Variants in PLXND1 observed in about 807,000 individuals in gnomAD.
PLXND1 encodes the protein plexin-D1.
A neutral mutation model predicts 197.7 loss-of-function variants in PLXND1; 54 were observed. That is an observed-to-expected ratio of 0.27 (90% CI 0.22 to 0.34). The LOEUF is 0.34. Ranked by LOEUF, PLXND1 falls within the 10% of genes least tolerant of loss-of-function variation. The pLI is 1.00. For synonymous variants in PLXND1, 1,180 were observed against 1,161.2 expected (o/e 1.02, Z -0.33); for missense variants, 2,127 against 2,699.2 (o/e 0.79, Z 4.70).
At position 129,557,267 on chromosome 3, in the gene PLXND1, G is replaced by A; in HGVS notation, c.5446-44C>T. The A allele has an allele frequency of 6.2e-7, 1 of 1,610,834 alleles. No homozygotes were observed. The highest frequency in any genetic ancestry group is 8.5e-7 in the Non-Finnish European group (1 of 1,177,848). On this transcript the variant is annotated intron_variant, in intron 33 of 35. Transcript: ENST00000324093. This position sits in a 1 kb window ranked among gnomAD's most constrained non-coding sequence, Gnocchi z 4.8. ...GGGTGTTAGATGGCTGCTGGAGAAA[G>A]GACGGATCTGGTCGTTTTCTGGATG...
chr3:129,586,392 T>C (rs2085461572), intron 3 of PLXND1, 120 bp from the exon 4 acceptor site: 1 of 1,004,708 alleles, frequency 1.0e-6, no homozygotes, highest in Non-Finnish European at 1.5e-6. Context: ...AACACTCTAA[T>C]GGGGGAACAT....
chr3:129,575,612 T>C (rs2301571), intron 10 of PLXND1, 50 bp from the exon 11 acceptor site: 1 of 1,401,712 alleles, frequency 7.1e-7, no homozygotes. Flanking sequence ...TGCCTGGGGC[T>C]CTGCTGGGGA....
At position 129,575,484 on chromosome 3, in the gene PLXND1, G is replaced by A. The variant is rs753816972; in HGVS notation, c.2515C>T (p.Pro839Ser). The A allele has an allele frequency of 1.1e-5, 17 of 1,552,676 alleles. No homozygotes were observed. Among genetic ancestry groups the A allele is most frequent in the African/African-American group, 9.6e-5 (7 of 73,182 alleles). The change falls in exon 11 of 36, where the codon CCT (proline) becomes TCT (serine). Residue 839 changes from proline (P) to serine (S), a missense_variant. By Grantham distance (74) the Pro-to-Ser change is moderately conservative. Transcript: ENST00000324093. Reference protein sequence around the residue: ...KGRPARFLDSPEPMTVMVYNC... With the variant: ...KGRPARFLDSSEPMTVMVYNC... ...GGGTGCCCACCTGTCATGGGCTCAG[G>A]GCTGTCCAGGAATCGGGCTGGCCGC...
intron 6 of PLXND1, 37 bp downstream of exon 6, chr3:129,584,348 C>T (rs960992396): frequency 4.4e-6 from 7 of 1,605,776 alleles, no homozygotes; most frequent in Middle Eastern, 1.7e-4. Context: ...CACCGTTCTG[C>T]CCCTCTGGGG....
intron 1 of PLXND1, among the ~76,000 whole-genome samples, chr3:129,605,011 A>G (rs1332823999): frequency 1.3e-5 from 2 of 152,078 alleles, no homozygotes; most frequent in South Asian, 2.1e-4. Context: ...TGTGACCCTC[A>G]CGTGCATACC....
At position 129,559,662 on chromosome 3, in the gene PLXND1, C is replaced by G; in HGVS notation, c.5255G>C (p.Gly1752Ala). The G allele has an allele frequency of 6.2e-7, 1 of 1,612,952 alleles. No homozygotes were observed. The highest frequency in any genetic ancestry group is 1.3e-5 in the African/African-American group (1 of 75,040). ...GTGTAGGGTGTCGGGGTCGGAGATT[C>G]CCCTCTTCTCAGCCTGCTCCTCCAG... ...DFLEEQAEKR[G>A]ISDPDTLHIW... Residue 1752 changes from glycine (G) to alanine (A), a missense_variant, in exon 32 of 36, where the codon GGA (glycine) becomes GCA (alanine). Gly to Ala is a moderately conservative substitution (Grantham distance 60). This residue lies in a region of PLXND1 where 200 missense variants were observed against 303.3 expected (regional missense o/e 0.66). Transcript: ENST00000324093.
chr3:129,573,516 G>A, intron 13 of PLXND1, 78 bp downstream of exon 13: 3 of 1,363,282 alleles, frequency 2.2e-6, no homozygotes, highest in Non-Finnish European at 3.1e-6. Context: ...GACAGAGGAT[G>A]GGGAGGGAGG....
chr3:129,562,603 A>C (rs906905565), intron 27 of PLXND1, 184 bp downstream of exon 27: 3 of 520,672 alleles, frequency 5.8e-6, no homozygotes, highest in African/African-American at 5.7e-5. Context: ...TCCGTAGTTC[A>C]CTCACACTGC....
rs2084993045 is a variant in PLXND1 at position 129,557,592 on chromosome 3, T to C, written c.5446-369A>G. On this transcript the variant is annotated intron_variant, in intron 33 of 35. Transcript: ENST00000324093. The surrounding 1 kb of genome is among the most constrained non-coding windows in gnomAD (Gnocchi z 4.8). Reference sequence around the variant, plus strand: ...GATAGGTCTTGGTGGCTAGGATTCCTGGAAGCCTGAGTGCTGGCTCAGTGG... The same window carrying C: ...GATAGGTCTTGGTGGCTAGGATTCCCGGAAGCCTGAGTGCTGGCTCAGTGG... Among the ~76,000 whole-genome samples, 1 of 152,198 alleles carries C rather than the reference T, an allele frequency of 6.6e-6. No individual in the cohort carries two copies.
At chr3:129,556,946 A>T in intron 34 of PLXND1, 137 bp downstream of exon 34, 1 of 961,132 alleles carries the variant, frequency 1.0e-6, no homozygotes. Context: ...TTTGCAGGCC[A>T]GCAAGAGGCC....
intron 5 of PLXND1, among the ~76,000 whole-genome samples, chr3:129,584,919 C>A (rs1170281326): frequency 1.3e-5 from 2 of 152,164 alleles, no homozygotes; most frequent in Non-Finnish European, 2.9e-5. Flanking sequence ...CAGATGCTCA[C>A]CCTGGCTCCC....
At position 129,563,232 on chromosome 3, in the gene PLXND1, C is replaced by A; in HGVS notation, c.4530G>T (p.Val1510=). Residue 1510 remains valine (V), a synonymous_variant, in exon 26 of 36, where the codon GTG becomes GTT. Coordinates refer to ENST00000324093, the MANE Select transcript of PLXND1 (RefSeq NM_015103.3). The stretch of plus-strand genomic sequence containing the variant: ...ACAGCAGCAGGAAGAATGGCTCCCC[C>A]ACCGTCTCCTGAGGGGCACGGGGGT... ...ICMYSCLRET[V]GEPFFLLLCA... 1.2e-6 allele frequency: 2 copies of A among 1,610,836 alleles called. No homozygotes were observed. The highest frequency in any genetic ancestry group is 1.1e-5 in the South Asian group (1 of 90,400).
chr3:129,589,969 C>T (rs1013159083), intron 1 of PLXND1, among the ~76,000 whole-genome samples: 1 of 152,174 alleles, frequency 6.6e-6, no homozygotes, highest in African/African-American at 2.4e-5. Context: ...AGGTGTCCCT[C>T]TTGCCTCGGC....
At chr3:129,556,480 T>C in intron 35 of PLXND1, 52 bp from the exon 36 acceptor site, 1 of 1,475,754 alleles carries the variant, frequency 6.8e-7, no homozygotes, top group East Asian at 2.3e-5. Context: ...CCTGCCTCAG[T>C]TCGTGGGAGA....
rs184339353 is a variant in PLXND1 at position 129,575,904 on chromosome 3, C to G, written c.2347-49G>C. On this transcript the variant is annotated intron_variant, in intron 9 of 35. Coordinates refer to ENST00000324093, the MANE Select transcript of PLXND1 (RefSeq NM_015103.3). ...GCGGGTTTGAGGAGAACCAAGCCAG[C>G]ATGCATTGCCCTCTAACTCCAGCAG... The G allele has an allele frequency of 5.5e-6, 6 of 1,084,950 alleles. No individual in the cohort carries two copies. In the African/African-American group the frequency reaches 9.4e-5, roughly 17 times the overall value. The allele number at this position is 1,084,950 out of a possible 1,614,324, so 67.2% of individuals were successfully genotyped here. A position where few individuals can be genotyped will look rare whatever the true frequency, so the allele number is the denominator to read the frequency against.
rs552472000 is a variant in PLXND1 at position 129,606,451 on chromosome 3, G to A, written c.189C>T (p.Ala63=). ...FPSPTPTNNF[A]LDGAAGTVYL... ...ACACGGTCCCCGCCGCGCCGTCCAG[G>A]GCGAAGTTGTTGGTGGGCGTGGGCG... The change falls in exon 1 of 36, where the codon GCC becomes GCT. Residue 63 remains alanine (A), a synonymous_variant. Coordinates refer to ENST00000324093, the MANE Select transcript of PLXND1 (RefSeq NM_015103.3). 98 of 1,457,000 alleles carry A rather than the reference G, an allele frequency of 6.7e-5. No homozygotes were observed. Among genetic ancestry groups the A allele is most frequent in the Admixed American group, 8.2e-5 (3 of 36,608 alleles). 90.3% of individuals were successfully genotyped at this position (1,457,000 alleles called of 1,614,324 possible).
chr3:129,570,320 C>CAA (rs1490231325), intron 19 of PLXND1, among the ~76,000 whole-genome samples: 4 of 152,166 alleles, frequency 2.6e-5, no homozygotes, highest in Admixed American at 2.6e-4. Context: ...TATGAGGACT[C>CAA]AGAGTGCAGG....
chr3:129,561,740 G>A (rs1360093005), intron 28 of PLXND1, 31 bp from the exon 29 acceptor site: 1 of 1,562,080 alleles, frequency 6.4e-7, no homozygotes, highest in South Asian at 1.2e-5. Flanking sequence ...GAGGTCAGAG[G>A]CCGGAGGTTG....
At chr3:129,576,170 C>A (rs74960238) in intron 9 of PLXND1, among the ~76,000 whole-genome samples, 1,898 of 152,326 alleles carry the variant, frequency 0.012, 24 homozygotes, top group Middle Eastern at 0.034. Context: ...CCACTCCCAG[C>A]GGGGTTCCCC....
Sources: allele counts gnomAD v4.1 joint callset (sites outside exome capture counted in the v4.1 genomes callset), GRCh38; gene constraint gnomAD v4.1.1; regional missense constraint gnomAD v4.1.1; non-coding constraint Gnocchi (gnomAD v3.1); transcripts MANE v1.5; gene names NCBI Gene and HGNC (gene_info 2026-07-23, HGNC 2026-07-21).